Variants in RBFOX3 observed in about 807,000 individuals in gnomAD.
RBFOX3 encodes RNA binding protein fox-1 homolog 3.
Under a neutral mutation model 48.7 loss-of-function variants are expected in RBFOX3, and 17 were observed. The observed-to-expected ratio is 0.35, with a 90% CI of 0.24 to 0.52. The LOEUF (loss-of-function observed/expected upper bound fraction) is 0.52. Among genes scored for constraint, RBFOX3 ranks in the 20% least tolerant of loss-of-function variants. RBFOX3 has a pLI of 0.94. For synonymous variants in RBFOX3, 212 were observed against 209.5 expected (o/e 1.01, Z -0.10); for missense variants, 382 against 497.5 (o/e 0.77, Z 2.21).
intron 1 of RBFOX3, among the ~76,000 whole-genome samples, chr17:79,546,246 G>A (rs192245038): frequency 2.0e-5 from 3 of 152,194 alleles, no homozygotes; most frequent in South Asian, 2.1e-4. Context: ...ACCCCAGGAC[G>A]CTCTCCCACC....
chr17:79,216,021 AC>A (rs1385002747), intron 4 of RBFOX3, among the ~76,000 whole-genome samples: 1 of 152,220 alleles, frequency 6.6e-6, no homozygotes, highest in East Asian at 1.9e-4. Flanking sequence ...TCTTGGGGTC[AC>A]CCAGGGGTCC....
intron 2 of RBFOX3, among the ~76,000 whole-genome samples, chr17:79,309,308 G>A (rs2076521222): frequency 6.6e-6 from 1 of 151,962 alleles, no homozygotes; most frequent in African/African-American, 2.4e-5. Flanking sequence ...TGAAACTTTG[G>A]ACTCTTCCTC....
At chr17:79,134,271 T>C (rs539708646) in intron 4 of RBFOX3, among the ~76,000 whole-genome samples, 11 of 152,362 alleles carry the variant, frequency 7.2e-5, no homozygotes, top group African/African-American at 1.4e-4. Flanking sequence ...GAAGATTACA[T>C]AATGCGTCCC....
intron 2 of RBFOX3, among the ~76,000 whole-genome samples, chr17:79,349,722 G>A (rs111611429): frequency 3.3e-5 from 5 of 152,140 alleles, no homozygotes; most frequent in South Asian, 2.1e-4. Flanking sequence ...CTGGAATACC[G>A]TCACAGCTCA....
At chr17:79,591,369 A>G (rs1292467982) in intron 1 of RBFOX3, among the ~76,000 whole-genome samples, 1 of 152,136 alleles carries the variant, frequency 6.6e-6, no homozygotes, top group East Asian at 1.9e-4. Flanking sequence ...TTTCCTGGGG[A>G]CAGGAGACAC....
At chr17:79,263,213 G>C (rs1411203037) in intron 3 of RBFOX3, among the ~76,000 whole-genome samples, 1 of 152,214 alleles carries the variant, frequency 6.6e-6, no homozygotes, top group Non-Finnish European at 1.5e-5. Context: ...TCAGGCTCTG[G>C]AAACACTCAG....
chr17:79,607,168 G>A (rs1327249359), intron 1 of RBFOX3, among the ~76,000 whole-genome samples: 1 of 152,162 alleles, frequency 6.6e-6, no homozygotes, highest in African/African-American at 2.4e-5. Context: ...GTGGCAGGCA[G>A]GGATTTAGGG....
chr17:79,499,358 TCATC>T lies in RBFOX3; in HGVS notation c.-319-16764_-319-16761del, dbSNP rs1263893539. 4.5e-3 allele frequency among the ~76,000 whole-genome samples: 675 copies of T among 149,700 alleles called. 2 individuals are homozygous for T. The highest frequency in any genetic ancestry group is 7.1e-3 in the Non-Finnish European group (482 of 67,534). Reference sequence around the variant, plus strand: ...TCCAACCTTCCATCCATCTATATATTCATCCATCCATCCATCCATCCACTATTCA... The same window carrying T: ...TCCAACCTTCCATCCATCTATATATTCATCCATCCATCCATCCACTATTCA... On this transcript the variant is annotated intron_variant, in intron 1 of 14. Coordinates refer to ENST00000693108, the MANE Select transcript of RBFOX3 (RefSeq NM_001350451.2).
At chr17:79,557,753 G>C (rs952879038) in intron 1 of RBFOX3, among the ~76,000 whole-genome samples, 1 of 152,240 alleles carries the variant, frequency 6.6e-6, no homozygotes. Flanking sequence ...AGATGTCAGC[G>C]TATCGGGCAG....
chr17:79,300,386 G>A (rs2075115726), intron 3 of RBFOX3, among the ~76,000 whole-genome samples: 1 of 152,206 alleles, frequency 6.6e-6, no homozygotes, highest in East Asian at 1.9e-4. Flanking sequence ...GAATCAGAAA[G>A]GGAAGTGGGT....
At chr17:79,293,214 T>C (rs545047588) in intron 3 of RBFOX3, among the ~76,000 whole-genome samples, 1 of 152,344 alleles carries the variant, frequency 6.6e-6, no homozygotes, top group South Asian at 2.1e-4. Context: ...ACTGAGAATT[T>C]AGAGGGTAAA....
At chr17:79,358,375 C>T (rs535202200) in intron 2 of RBFOX3, among the ~76,000 whole-genome samples, 4 of 152,330 alleles carry the variant, frequency 2.6e-5, no homozygotes, top group African/African-American at 7.2e-5. Context: ...CCACCATCGG[C>T]ACACTGCCCT....
At chr17:79,506,597 C>A (rs2083169055) in intron 1 of RBFOX3, among the ~76,000 whole-genome samples, 1 of 152,200 alleles carries the variant, frequency 6.6e-6, no homozygotes, top group African/African-American at 2.4e-5. Context: ...GAGCTGGACC[C>A]CAGATGGCGA....
chr17:79,627,816 T>TCC, the RBFOX3 span, among the ~76,000 whole-genome samples: 1 of 150,792 alleles, frequency 6.6e-6, no homozygotes, highest in East Asian at 2.0e-4. Context: ...AGTTTCTGTC[T>TCC]CCTCCAGGCT....
intron 1 of RBFOX3, among the ~76,000 whole-genome samples, chr17:79,550,932 G>A (rs1443244435): frequency 1.2e-4 from 18 of 152,350 alleles, no homozygotes; most frequent in Non-Finnish European, 2.2e-4. Flanking sequence ...TTCTACATCA[G>A]TGCCATCCAA....
chr17:79,303,603 C>G (rs895220630), intron 3 of RBFOX3, among the ~76,000 whole-genome samples: 3 of 152,106 alleles, frequency 2.0e-5, no homozygotes, highest in Admixed American at 2.0e-4. Context: ...GGGCACTGAC[C>G]TGCCCAGACT....
At position 79,388,065 on chromosome 17, in the gene RBFOX3, AGTGT is replaced by A. The variant is rs35911006; in HGVS notation, c.-174-80245_-174-80242del. 1.6e-4 allele frequency among the ~76,000 whole-genome samples: 24 copies of A among 151,504 alleles called. No homozygotes were observed. The South Asian group carries it at 2.5e-3, about 16-fold the overall frequency. ...GTGCATGTACATGTGTGCACTGTGC[AGTGT>A]GTGTGCCTACGTGTGCATGTGTGTG... On this transcript the variant is annotated intron_variant, in intron 2 of 14. Coordinates refer to ENST00000693108, the MANE Select transcript of RBFOX3 (RefSeq NM_001350451.2).
At position 79,466,062 on chromosome 17, in the gene RBFOX3, CCAA is replaced by C. The variant is rs202196926; in HGVS notation, c.-175+16389_-175+16391del. 4.8e-3 allele frequency among the ~76,000 whole-genome samples: 724 copies of C among 152,352 alleles called. 8 individuals carry two copies. Among genetic ancestry groups the C allele is most frequent in the Middle Eastern group, 0.031 (9 of 294 alleles). Reference sequence around the variant, plus strand: ...GGCTGGCCCATGAGGCTCCCTCTGCCCAAAGTGCATGTGTGGAGACACCTGGCA... The same window carrying C: ...GGCTGGCCCATGAGGCTCCCTCTGCCAGTGCATGTGTGGAGACACCTGGCA... On this transcript the variant is annotated intron_variant, in intron 2 of 14. Coordinates refer to ENST00000693108, the MANE Select transcript of RBFOX3 (RefSeq NM_001350451.2).
At chr17:79,577,039 A>G (rs1455429146) in intron 1 of RBFOX3, among the ~76,000 whole-genome samples, 1 of 152,150 alleles carries the variant, frequency 6.6e-6, no homozygotes. Flanking sequence ...ACTCAAGCCT[A>G]TAGAGCCCAC....
Sources: gnomAD v4.1 joint callset for allele counts (sites outside exome capture counted in the v4.1 genomes callset) on GRCh38, gnomAD v4.1.1 for gene constraint, MANE v1.5 for transcripts, NCBI Gene and HGNC (gene_info 2026-07-23, HGNC 2026-07-21) for gene names.